IQANK1: variants seen among roughly 807,000 people sequenced by gnomAD.
IQANK1 encodes IQ motif and ankyrin repeat containing 1.
Under a neutral mutation model 22.6 loss-of-function variants are expected in IQANK1, and 30 were observed. The ratio of observed to expected loss-of-function variants is 1.33; its 90% CI spans 0.99 to 1.80. IQANK1 has a LOEUF of 1.80. Ranked by LOEUF, IQANK1 falls within the 40% of genes most tolerant of loss-of-function variation. The pLI is 0.00. For synonymous variants in IQANK1, 122 were observed against 99.6 expected, an observed-to-expected ratio of 1.23 and a Z score of -1.34; for missense variants, 275 against 235.2, an observed-to-expected ratio of 1.17 and a Z score of -1.11.
chr8:143,783,610 T>A (rs1172506051), intron 7 of IQANK1, among the ~76,000 whole-genome samples: 4 of 152,242 alleles, frequency 2.6e-5, no homozygotes, highest in Non-Finnish European at 5.9e-5. Flanking sequence ...TTTTCCTTTA[T>A]GGTTGGTGCC....
chr8:143,768,432 T>G (rs1819517489), intron 3 of IQANK1, among the ~76,000 whole-genome samples: 1 of 152,126 alleles, frequency 6.6e-6, no homozygotes, highest in Admixed American at 6.6e-5. Flanking sequence ...TGGTTGATAC[T>G]TATCTTGGAA....
chr8:143,750,400 T>C (rs1306347627), intron 3 of IQANK1, among the ~76,000 whole-genome samples: 1 of 152,216 alleles, frequency 6.6e-6, no homozygotes, highest in Non-Finnish European at 1.5e-5. Flanking sequence ...TTTTTCTATG[T>C]TTTCATTTTC....
At chr8:143,763,524 A>G (rs916268659) in intron 3 of IQANK1, among the ~76,000 whole-genome samples, 2 of 152,120 alleles carry the variant, frequency 1.3e-5, no homozygotes, top group African/African-American at 4.8e-5. Context: ...TCTCTCATGA[A>G]TGGTTTGGTG....
intron 3 of IQANK1, chr8:143,744,433 A>G (rs1818988893): frequency 6.6e-6 from 1 of 152,262 alleles, no homozygotes; most frequent in African/African-American, 2.4e-5. Context: ...GAGCGAGGAT[A>G]TTGAGAAGAA....
intron 3 of IQANK1, chr8:143,743,043 C>T (rs1554626825): frequency 4.4e-6 from 2 of 456,054 alleles, no homozygotes; most frequent in East Asian, 1.4e-4. Context: ...ATGGGGGGGC[C>T]CTGTGCCTGT....
At chr8:143,750,157 C>G (rs1819162725) in intron 3 of IQANK1, among the ~76,000 whole-genome samples, 1 of 151,878 alleles carries the variant, frequency 6.6e-6, no homozygotes, top group Non-Finnish European at 1.5e-5. Flanking sequence ...CGCCACCACG[C>G]CCAGCTAATT....
At chr8:143,751,664 G>GTGTGTGTATATATA (rs370428606) in intron 3 of IQANK1, among the ~76,000 whole-genome samples, 10 of 61,548 alleles carry the variant, frequency 1.6e-4, no homozygotes, top group African/African-American at 4.4e-4. Context: ...GTGTGTGTGT[G>GTGTGTGTATATATA]TATATATATA....
intron 7 of IQANK1, among the ~76,000 whole-genome samples, chr8:143,782,543 C>T (rs936556214): frequency 1.3e-5 from 2 of 152,162 alleles, no homozygotes; most frequent in Middle Eastern, 3.4e-3. Context: ...TGCAACGGCA[C>T]AATCTTGGCT....
At chr8:143,750,013 AT>A (rs1171380715) in intron 3 of IQANK1, among the ~76,000 whole-genome samples, 2 of 138,374 alleles carry the variant, frequency 1.4e-5, no homozygotes, top group African/African-American at 2.7e-5. Context: ...TTTATTTTTT[AT>A]TTTTTTTGAG....
At chr8:143,742,749 G>A (rs781959200) in intron 3 of IQANK1, 8 of 455,590 alleles carry the variant, frequency 1.8e-5, no homozygotes, top group South Asian at 7.7e-5. Flanking sequence ...TCCTGCACAC[G>A]GGATCCTCCA....
intron 3 of IQANK1, chr8:143,743,842 T>C (rs1348699301): frequency 1.4e-5 from 6 of 432,396 alleles, no homozygotes; most frequent in South Asian, 6.7e-5. Context: ...ATTGGATTCT[T>C]TTTCTTTTTT....
intron 1 of IQANK1, among the ~76,000 whole-genome samples, chr8:143,734,725 C>A (rs181659109): frequency 6.6e-6 from 1 of 151,960 alleles, no homozygotes; most frequent in Non-Finnish European, 1.5e-5. Flanking sequence ...GCACAGGGGA[C>A]CTCCCTCACA....
chr8:143,759,117 G>T, intron 3 of IQANK1: 2 of 318,682 alleles, frequency 6.3e-6, no homozygotes. Flanking sequence ...CCATGAAGAG[G>T]TTCTGGAACA....
At chr8:143,748,618 TATATA>T (rs1238286903) in intron 3 of IQANK1, among the ~76,000 whole-genome samples, 4 of 128,158 alleles carry the variant, frequency 3.1e-5, no homozygotes, top group African/African-American at 9.2e-5. Flanking sequence ...AATATATAAA[TATATA>T]ATATATCATA....
At chr8:143,754,527 T>C (rs1819253190) in intron 3 of IQANK1, among the ~76,000 whole-genome samples, 1 of 152,214 alleles carries the variant, frequency 6.6e-6, no homozygotes, top group African/African-American at 2.4e-5. Flanking sequence ...TTTTGCTACA[T>C]GAGCCTCTGC....
At chr8:143,751,528 C>T (rs1819187146) in intron 3 of IQANK1, among the ~76,000 whole-genome samples, 2 of 150,122 alleles carry the variant, frequency 1.3e-5, no homozygotes, top group African/African-American at 4.9e-5. Flanking sequence ...AGGAGAATCA[C>T]TTGAACCTGG....
intron 3 of IQANK1, among the ~76,000 whole-genome samples, chr8:143,741,394 C>T (rs1818910107): frequency 6.6e-6 from 1 of 152,190 alleles, no homozygotes; most frequent in Non-Finnish European, 1.5e-5. Flanking sequence ...GGAGCCTGTA[C>T]CTGGAGAAGG....
chr8:143,751,882 C>T (rs1198573386), intron 3 of IQANK1, among the ~76,000 whole-genome samples: 2 of 151,134 alleles, frequency 1.3e-5, no homozygotes, highest in Admixed American at 6.6e-5. Context: ...TATTTTCTTC[C>T]TCACATGTGA....
intron 3 of IQANK1, among the ~76,000 whole-genome samples, chr8:143,764,063 C>G (rs566655341): frequency 6.6e-6 from 1 of 152,064 alleles, no homozygotes; most frequent in African/African-American, 2.4e-5. Flanking sequence ...AAGGACCATG[C>G]CTTGTTTAAA....
Sources: gnomAD v4.1 joint callset for allele counts (sites outside exome capture counted in the v4.1 genomes callset) on GRCh38, gnomAD v4.1.1 for gene constraint, MANE v1.5 for transcripts, NCBI Gene and HGNC (gene_info 2026-07-23, HGNC 2026-07-21) for gene names.